The following NR2F1-AS1 variants were observed in gnomAD, a reference collection of about 807,000 sequenced individuals.
The protein encoded by NR2F1-AS1 is NR2F1 antisense RNA 1.
At chr5:93,441,989 A>G (rs1236907370) in intron 4 of NR2F1-AS1, among the ~76,000 whole-genome samples, 3 of 152,218 alleles carry the variant, frequency 2.0e-5, no homozygotes, top group South Asian at 2.1e-4. Context: ...AGAAAGAGTA[A>G]TGACAGTTAT....
intron 4 of NR2F1-AS1, among the ~76,000 whole-genome samples, chr5:93,541,506 C>G (rs1417195437): frequency 1.3e-5 from 2 of 152,122 alleles, no homozygotes; most frequent in Admixed American, 6.6e-5. Context: ...TATATGACTG[C>G]TCTCTTAAAT....
intron 4 of NR2F1-AS1, among the ~76,000 whole-genome samples, chr5:93,478,347 A>G (rs1188136390): frequency 6.6e-6 from 1 of 152,222 alleles, no homozygotes; most frequent in Non-Finnish European, 1.5e-5. Flanking sequence ...CCACTGTATC[A>G]ATGCTGCACT....
At chr5:93,427,756 A>T (rs753181686) in intron 4 of NR2F1-AS1, among the ~76,000 whole-genome samples, 2 of 152,024 alleles carry the variant, frequency 1.3e-5, no homozygotes, top group Non-Finnish European at 1.5e-5. Flanking sequence ...CATGTAAATT[A>T]AAAAAATACT....
At chr5:93,450,821 G>A (rs1048544215) in intron 4 of NR2F1-AS1, among the ~76,000 whole-genome samples, 18 of 151,182 alleles carry the variant, frequency 1.2e-4, no homozygotes, top group East Asian at 3.9e-4. Context: ...CCAGTACTTC[G>A]GGAGGGATCG....
intron 4 of NR2F1-AS1, among the ~76,000 whole-genome samples, chr5:93,538,290 T>C (rs1192880151): frequency 1.3e-5 from 2 of 152,022 alleles, no homozygotes; most frequent in East Asian, 1.9e-4. Context: ...CTGGACAATA[T>C]AGTAAAACTC....
At chr5:93,439,098 CCT>C (rs1417490043) in intron 4 of NR2F1-AS1, among the ~76,000 whole-genome samples, 1 of 152,160 alleles carries the variant, frequency 6.6e-6, no homozygotes, top group African/African-American at 2.4e-5. Context: ...TCAATGACTT[CCT>C]CTGTTAGAAC....
intron 4 of NR2F1-AS1, among the ~76,000 whole-genome samples, chr5:93,443,998 G>A (rs1749633707): frequency 6.6e-6 from 1 of 152,142 alleles, no homozygotes; most frequent in Admixed American, 6.5e-5. Flanking sequence ...ACAAGCAAAT[G>A]CTGAGAGATT....
At chr5:93,454,335 A>C (rs1031860445) in intron 4 of NR2F1-AS1, among the ~76,000 whole-genome samples, 10 of 152,212 alleles carry the variant, frequency 6.6e-5, no homozygotes, top group Non-Finnish European at 1.0e-4. Flanking sequence ...GAGATTACCC[A>C]AGGCAAAAGC....
intron 4 of NR2F1-AS1, among the ~76,000 whole-genome samples, chr5:93,467,036 G>A (rs1413574636): frequency 1.3e-5 from 2 of 151,890 alleles, no homozygotes; most frequent in Admixed American, 1.3e-4. Flanking sequence ...AAGCAGCTGG[G>A]ATTACAGGCG....
intron 4 of NR2F1-AS1, among the ~76,000 whole-genome samples, chr5:93,477,023 C>A (rs1750499363): frequency 6.6e-6 from 1 of 152,132 alleles, no homozygotes; most frequent in South Asian, 2.1e-4. Context: ...AAAACAAAAA[C>A]ATCTTTCAAA....
intron 4 of NR2F1-AS1, among the ~76,000 whole-genome samples, chr5:93,432,154 A>T (rs1749339785): frequency 1.3e-5 from 2 of 152,180 alleles, no homozygotes; most frequent in South Asian, 4.1e-4. Context: ...ATTGGGCAGA[A>T]CTGTGGTTCA....
intron 4 of NR2F1-AS1, among the ~76,000 whole-genome samples, chr5:93,467,476 C>T (rs568015038): frequency 1.3e-4 from 20 of 152,266 alleles, no homozygotes; most frequent in Non-Finnish European, 4.4e-5. Context: ...ATAAATTTGT[C>T]TCTCTAAGCC....
At chr5:93,478,318 A>G (rs1032331801) in intron 4 of NR2F1-AS1, among the ~76,000 whole-genome samples, 2 of 152,222 alleles carry the variant, frequency 1.3e-5, no homozygotes, top group Admixed American at 6.5e-5. Flanking sequence ...TGATCTGTCA[A>G]TCCTCCCAAT....
intron 4 of NR2F1-AS1, among the ~76,000 whole-genome samples, chr5:93,481,925 T>G (rs878939976): frequency 1.3e-5 from 2 of 152,092 alleles, no homozygotes; most frequent in South Asian, 4.1e-4. Flanking sequence ...CAGGGGAAAT[T>G]TTTATAGCTG....
intron 4 of NR2F1-AS1, among the ~76,000 whole-genome samples, chr5:93,415,701 T>G (rs1296505917): frequency 3.3e-5 from 5 of 152,212 alleles, no homozygotes; most frequent in Admixed American, 6.5e-5. Flanking sequence ...AGAGTACTGG[T>G]TCTGTCCCTG....
intron 4 of NR2F1-AS1, among the ~76,000 whole-genome samples, chr5:93,506,547 G>A (rs1004558421): frequency 1.2e-4 from 19 of 152,206 alleles, no homozygotes; most frequent in African/African-American, 4.6e-4. Flanking sequence ...TGACTGGGGA[G>A]GCCTCAGAAT....
At chr5:93,559,366 C>T (rs766356199) in intron 2 of NR2F1-AS1, among the ~76,000 whole-genome samples, 2 of 152,230 alleles carry the variant, frequency 1.3e-5, no homozygotes, top group African/African-American at 2.4e-5. Context: ...ATTAGGCTTT[C>T]ACCTAATATT....
intron 4 of NR2F1-AS1, among the ~76,000 whole-genome samples, chr5:93,521,860 T>C (rs956346259): frequency 1.1e-4 from 16 of 152,208 alleles, no homozygotes; most frequent in Non-Finnish European, 2.1e-4. Context: ...TTACTGGGTA[T>C]ATACCTAGAG....
intron 4 of NR2F1-AS1, among the ~76,000 whole-genome samples, chr5:93,493,145 A>C (rs888005581): frequency 6.6e-6 from 1 of 152,132 alleles, no homozygotes; most frequent in African/African-American, 2.4e-5. Flanking sequence ...ATTCCATAGA[A>C]TCAATCCACA....
Sources: gnomAD v4.1 joint callset for allele counts (sites outside exome capture counted in the v4.1 genomes callset) on GRCh38, gnomAD v4.1.1 for gene constraint, MANE v1.5 for transcripts, NCBI Gene and HGNC (gene_info 2026-07-23, HGNC 2026-07-21) for gene names.